The following RPTOR variants were observed in gnomAD, a reference collection of about 807,000 sequenced individuals.
The protein encoded by RPTOR is regulatory associated protein of MTOR complex 1, also known as regulatory-associated protein of mTOR.
In RPTOR, 21 loss-of-function variants were observed where a neutral mutation model predicts 169.9. The ratio of observed to expected loss-of-function variants is 0.12; its 90% confidence interval spans 0.09 to 0.18. The LOEUF is 0.18. RPTOR is among the 10% of genes least tolerant of loss of function. The pLI, the probability that RPTOR is intolerant of heterozygous loss-of-function variation, is 1.00. For synonymous variants in RPTOR, 732 were observed against 753.2 expected, an observed-to-expected ratio of 0.97 and a Z score of 0.46; for missense variants, 1,133 against 1,855.9, an observed-to-expected ratio of 0.61 and a Z score of 7.16.
rs2067364439 is a variant in RPTOR at position 80,820,124 on chromosome 17, C to T, written c.891-2077C>T. Among the ~76,000 whole-genome samples, 1 of 152,188 alleles carries T rather than the reference C, an allele frequency of 6.6e-6. No homozygotes were observed. The highest frequency in any genetic ancestry group is 2.1e-4 in the South Asian group (1 of 4,830). ...CCTCCTTCCTTGCACAGTCGGGCCA[C>T]TTATGTGTTTACTGATCCTAGGCCA... On this transcript the variant is annotated intron_variant, in intron 7 of 33. Coordinates refer to ENST00000306801, the MANE Select transcript of RPTOR (RefSeq NM_020761.3). The surrounding 1 kb of genome is among the most constrained non-coding windows in gnomAD (Gnocchi z 4.1).
chr17:80,894,765 G>A (rs1231039462), intron 20 of RPTOR, among the ~76,000 whole-genome samples: 2 of 135,118 alleles, frequency 1.5e-5, no homozygotes, highest in Non-Finnish European at 3.1e-5. Context: ...AGAGCGCTGC[G>A]TGTGTGTGTG....
At chr17:80,634,933 G>T (rs529489951) in intron 2 of RPTOR, among the ~76,000 whole-genome samples, 1 of 152,150 alleles carries the variant, frequency 6.6e-6, no homozygotes, top group African/African-American at 2.4e-5. Context: ...TGCATACCGC[G>T]TGTGCATACT....
intron 13 of RPTOR, chr17:80,858,135 C>T (rs1415792718): frequency 1.8e-6 from 1 of 550,146 alleles, no homozygotes; most frequent in Non-Finnish European, 3.3e-6. Context: ...GTACCCTGCG[C>T]TCAGTCCCCC....
Position 80,922,738 on chromosome 17 carries a change from C to G in RPTOR, c.2535C>G (p.Ala845=). ...NSIAYKATVN[A]RPQRVLDTSS... ...TTTGCCCCTAGGCCACCGTGAACGCCCGGCCGCAGCGCGTCCTGGACACCT... is the reference window on the plus strand; with the variant it reads ...TTTGCCCCTAGGCCACCGTGAACGCGCGGCCGCAGCGCGTCCTGGACACCT... Residue 845 remains alanine, a synonymous_variant, in exon 22 of 34, where the codon GCC becomes GCG. Coordinates refer to ENST00000306801, the MANE Select transcript of RPTOR (RefSeq NM_020761.3). The G allele has an allele frequency of 6.3e-7, 1 of 1,588,196 alleles. No homozygotes were observed. The highest frequency in any genetic ancestry group is 8.5e-7 in the Non-Finnish European group (1 of 1,171,010).
chr17:80,594,762 G>T (rs551592414), intron 1 of RPTOR, among the ~76,000 whole-genome samples: 1 of 152,324 alleles, frequency 6.6e-6, no homozygotes, highest in East Asian at 1.9e-4. Flanking sequence ...TTTCTCAAGT[G>T]TGGCAAATGT....
At chr17:80,871,852 C>T (rs2068055652) in intron 13 of RPTOR, among the ~76,000 whole-genome samples, 1 of 151,790 alleles carries the variant, frequency 6.6e-6, no homozygotes, top group Non-Finnish European at 1.5e-5. Flanking sequence ...TCCTGCAGTA[C>T]CATCTTCCAG....
chr17:80,837,893 T>A, intron 9 of RPTOR, 29 bp from the exon 10 acceptor site: 1 of 1,599,600 alleles, frequency 6.3e-7, no homozygotes, highest in African/African-American at 1.3e-5. Context: ...TCCATAATGC[T>A]CAGTGGATTT....
Position 80,616,937 on chromosome 17 carries a change from G to T in RPTOR, c.163-8754G>T, listed in dbSNP as rs556622413. Among the ~76,000 whole-genome samples the T allele has an allele frequency of 4.6e-5, 7 of 152,218 alleles. No individual in the cohort carries two copies. In the East Asian group the frequency reaches 1.2e-3, roughly 25 times the overall value. ...CCGGTCCAGCTTGCTAGTTACCTTG[G>T]ATACTCGCCCAAGCTTCAGCTGACT... On this transcript the variant is annotated intron_variant, in intron 1 of 33. Transcript: ENST00000306801.
intron 1 of RPTOR, among the ~76,000 whole-genome samples, chr17:80,557,216 G>C (rs763238729): frequency 1.3e-5 from 2 of 152,190 alleles, no homozygotes; most frequent in Non-Finnish European, 2.9e-5. Context: ...TTACACATAG[G>C]AGGTGTCCTC....
intron 10 of RPTOR, among the ~76,000 whole-genome samples, chr17:80,839,120 C>T (rs917854696): frequency 6.6e-6 from 1 of 152,172 alleles, no homozygotes; most frequent in Non-Finnish European, 1.5e-5. Flanking sequence ...CACATGCAGT[C>T]GGGAGCCTGG....
intron 9 of RPTOR, among the ~76,000 whole-genome samples, chr17:80,829,435 C>T (rs1285337223): frequency 6.6e-6 from 1 of 152,230 alleles, no homozygotes; most frequent in East Asian, 1.9e-4. Flanking sequence ...TTCATATTTT[C>T]ATTTTTAATT....
intron 2 of RPTOR, among the ~76,000 whole-genome samples, chr17:80,627,092 G>C (rs1215000736): frequency 6.6e-6 from 1 of 152,144 alleles, no homozygotes; most frequent in Admixed American, 6.5e-5. Flanking sequence ...TGCCCCCAAA[G>C]TTCATCCATG....
intron 20 of RPTOR, among the ~76,000 whole-genome samples, chr17:80,896,388 CTGACACCCCACG>C (rs1312910583): frequency 0.52 from 53,694 of 102,954 alleles, 16,710 homozygotes; most frequent in Non-Finnish European, 0.64. Flanking sequence ...CGCGGCCTCG[CTGACACCCCACG>C]GCCGCAGCAA....
At chr17:80,654,566 G>A (rs2065665805) in intron 3 of RPTOR, among the ~76,000 whole-genome samples, 1 of 152,192 alleles carries the variant, frequency 6.6e-6, no homozygotes, top group South Asian at 2.1e-4. Context: ...AAAGCGCATA[G>A]CAGAACCGGG....
At chr17:80,839,613 C>CAG (rs2067605031) in intron 10 of RPTOR, among the ~76,000 whole-genome samples, 2 of 152,192 alleles carry the variant, frequency 1.3e-5, no homozygotes, top group African/African-American at 4.8e-5. Context: ...CAAACCTTCA[C>CAG]AGACGCCAGC....
In RPTOR at chr17:80,691,355, C is replaced by T. The variant is rs543001977; in HGVS notation, c.349-16486C>T. Among the ~76,000 whole-genome samples, 4 of 132,300 alleles carry T rather than the reference C, an allele frequency of 3.0e-5. No homozygotes were observed. In the South Asian group the frequency reaches 6.4e-4, roughly 21 times the overall value. 86.8% of individuals were successfully genotyped at this position (132,300 alleles called of 152,430 possible). A position where few individuals can be genotyped will look rare whatever the true frequency, so the allele number is the denominator to read the frequency against. On this transcript the variant is annotated intron_variant, in intron 3 of 33. Coordinates refer to ENST00000306801, the MANE Select transcript of RPTOR (RefSeq NM_020761.3). ...TATGTGTGTGGTGTGGTGTGTGTGG[C>T]CACCCTGTTGAAGGCACTACCTACT...
intron 1 of RPTOR, among the ~76,000 whole-genome samples, chr17:80,551,181 C>G (rs1172618134): frequency 6.6e-6 from 1 of 152,146 alleles, no homozygotes; most frequent in East Asian, 1.9e-4. Context: ...AGCCATCACA[C>G]CTGGCCAGAG....
At chr17:80,892,956 C>T in intron 19 of RPTOR, 87 bp downstream of exon 19, 4 of 1,479,406 alleles carry the variant, frequency 2.7e-6, no homozygotes, top group Non-Finnish European at 3.7e-6. Context: ...CACCACTCTG[C>T]CCCTGCCCCT....
intron 21 of RPTOR, among the ~76,000 whole-genome samples, chr17:80,916,338 T>C (rs1025453328): frequency 1.3e-5 from 2 of 152,368 alleles, no homozygotes; most frequent in East Asian, 3.9e-4. Flanking sequence ...ATGTTGAAGC[T>C]GCTTGTAGTA....
Sources: gnomAD v4.1 joint callset for allele counts (sites outside exome capture counted in the v4.1 genomes callset) on GRCh38, gnomAD v4.1.1 for gene constraint, Gnocchi (gnomAD v3.1) non-coding constraint, MANE v1.5 for transcripts, NCBI Gene and HGNC (gene_info 2026-07-23, HGNC 2026-07-21) for gene names.